KCTD2: variants seen among roughly 807,000 people sequenced by gnomAD.
KCTD2 encodes the protein BTB/POZ domain-containing protein KCTD2.
Under a neutral mutation model 27.9 loss-of-function variants are expected in KCTD2, and 18 were observed. The observed-to-expected ratio is 0.64, with a 90% CI of 0.45 to 0.96. KCTD2 has a LOEUF of 0.96. KCTD2 is among the 40% of genes least tolerant of loss of function. The pLI is 0.00. For synonymous variants in KCTD2, 175 were observed against 148.4 expected (o/e 1.18, Z -1.30); for missense variants, 280 against 348.0 (o/e 0.80, Z 1.56).
At chr17:75,062,369 C>T (rs1567995188) in intron 5 of KCTD2, 124 bp downstream of exon 5, 1 of 905,444 alleles carries the variant, frequency 1.1e-6, no homozygotes, top group African/African-American at 1.7e-5. Flanking sequence ...TTGCATTTTC[C>T]CCTCGTTTTG....
chr17:75,062,297 C>T (rs567351443), intron 5 of KCTD2, 52 bp downstream of exon 5: 5 of 1,555,950 alleles, frequency 3.2e-6, no homozygotes, highest in South Asian at 2.4e-5. Flanking sequence ...GTTCGCACCC[C>T]CTCCGTGGGC....
At chr17:75,036,449 C>T (rs1215718141) in intron 3 of KCTD2, among the ~76,000 whole-genome samples, 1 of 152,212 alleles carries the variant, frequency 6.6e-6, no homozygotes, top group Non-Finnish European at 1.5e-5. Flanking sequence ...AAAATTAATG[C>T]ATGTACAACG....
intron 3 of KCTD2, among the ~76,000 whole-genome samples, chr17:75,055,638 A>G (rs532747468): frequency 6.6e-6 from 1 of 152,048 alleles, no homozygotes; most frequent in Admixed American, 6.5e-5. Flanking sequence ...GTTCAAGACG[A>G]GCCTGACTAA....
At chr17:75,061,370 C>T (rs2073402381) in intron 4 of KCTD2, among the ~76,000 whole-genome samples, 1 of 152,204 alleles carries the variant, frequency 6.6e-6, no homozygotes, top group African/African-American at 2.4e-5. Context: ...GCATGCTGGG[C>T]ACGGTGGTTC....
upstream of KCTD2, among the ~76,000 whole-genome samples, chr17:75,043,019 C>G (rs568239931): frequency 7.9e-5 from 12 of 152,044 alleles, no homozygotes; most frequent in African/African-American, 2.4e-4. Flanking sequence ...GTCAGGAGTT[C>G]GAGACCAGCA....
chr17:75,035,060 G>T (rs2040100760), intron 2 of KCTD2, among the ~76,000 whole-genome samples: 1 of 152,114 alleles, frequency 6.6e-6, no homozygotes, highest in African/African-American at 2.4e-5. Flanking sequence ...GCGGCACGCC[G>T]GAGCGTTTAA....
At chr17:75,047,136 C>T, upstream of KCTD2, 1 of 286,308 alleles carries the variant, frequency 3.5e-6, no homozygotes, top group Non-Finnish European at 6.2e-6. Context: ...TGGGGGCGCT[C>T]CCGTCCCTCT....
chr17:75,049,186 G>T, intron 1 of KCTD2, 34 bp from the exon 2 acceptor site: 1 of 1,305,316 alleles, frequency 7.7e-7, no homozygotes, highest in Middle Eastern at 1.8e-4. Context: ...ACTCCTCAAA[G>T]GTCCACAATG....
At chr17:75,058,016 G>A (rs887008774) in intron 3 of KCTD2, among the ~76,000 whole-genome samples, 7 of 151,570 alleles carry the variant, frequency 4.6e-5, no homozygotes, top group African/African-American at 1.7e-4. Flanking sequence ...GCGAAATCCC[G>A]TCTCCACTAA....
At chr17:75,058,825 C>T (rs945410512) in intron 3 of KCTD2, among the ~76,000 whole-genome samples, 2 of 149,982 alleles carry the variant, frequency 1.3e-5, no homozygotes, top group Non-Finnish European at 3.0e-5. Flanking sequence ...AGGCCGGGCG[C>T]GGTGGCTCAT....
At position 75,047,229 on chromosome 17, in the gene KCTD2, G is replaced by C. The variant is rs12950279; in HGVS notation, c.-22G>C. On this transcript the variant is annotated 5_prime_UTR_variant, in exon 1 of 6. Transcript: ENST00000322444. ...CCGGCCCGGCTGCGCGCGGGCAGCA[G>C]CGGTGGCGGCGGCGGTCCAAGATGG... The C allele has an allele frequency of 6.0e-6, 5 of 826,760 alleles. No individual in the cohort carries two copies. The highest frequency in any genetic ancestry group is 3.6e-5 in the African/African-American group (2 of 55,428). 51.2% of individuals were successfully genotyped at this position (826,760 alleles called of 1,614,324 possible). A position where few individuals can be genotyped will look rare whatever the true frequency, so the allele number is the denominator to read the frequency against.
chr17:75,051,024 A>G (rs1419697403), intron 2 of KCTD2, among the ~76,000 whole-genome samples: 2 of 144,512 alleles, frequency 1.4e-5, no homozygotes, highest in Non-Finnish European at 1.5e-5. Context: ...CCCAGGCTGG[A>G]GTGCAGTGGC....
chr17:75,042,659 C>T (rs1448365371), upstream of KCTD2: 1 of 1,589,634 alleles, frequency 6.3e-7, no homozygotes, highest in Non-Finnish European at 8.5e-7. Flanking sequence ...ATTTTGGGAT[C>T]CTGAAAAATA....
chr17:75,038,144 A>C (rs1280192143), intron 3 of KCTD2, among the ~76,000 whole-genome samples: 1 of 152,012 alleles, frequency 6.6e-6, no homozygotes, highest in Admixed American at 6.6e-5. Flanking sequence ...TTTTAGAGGC[A>C]AAGTCTCGCT....
At chr17:75,059,655 C>T (rs758358261) in intron 4 of KCTD2, 50 bp downstream of exon 4, 1 of 1,409,630 alleles carries the variant, frequency 7.1e-7, no homozygotes, top group Non-Finnish European at 1.0e-6. Flanking sequence ...AAGGGGTCTG[C>T]AGCTCTTCAA....
At chr17:75,043,002 A>G (rs2073176245), upstream of KCTD2, among the ~76,000 whole-genome samples, 1 of 152,156 alleles carries the variant, frequency 6.6e-6, no homozygotes, top group Non-Finnish European at 1.5e-5. Flanking sequence ...CGGTTGGATC[A>G]CCTGAGGTCA....
Position 75,047,504 on chromosome 17 carries a change from C to A in KCTD2, c.254C>A (p.Thr85Asn). ...RLNVGGTYFV[T>N]TRQTLGREPK... ...AACGTGGGAGGCACCTACTTCGTGACCACCAGACAGACCTTAGGCCGGGAG... is the reference window on the plus strand; with the variant it reads ...AACGTGGGAGGCACCTACTTCGTGAACACCAGACAGACCTTAGGCCGGGAG... Residue 85 changes from threonine to asparagine, a missense_variant, in exon 1 of 6, where the codon ACC (threonine) becomes AAC (asparagine). Physicochemically the swap from Thr to Asn is moderately conservative, Grantham distance 65. Transcript: ENST00000322444. 6.2e-7 allele frequency: 1 copy of A among 1,610,184 alleles called. No homozygotes were observed. The highest frequency in any genetic ancestry group is 8.5e-7 in the Non-Finnish European group (1 of 1,179,032).
Position 75,049,273 on chromosome 17 carries a change from C to T in KCTD2, c.393C>T (p.Ile131=). The T allele has an allele frequency of 6.2e-7, 1 of 1,613,934 alleles. No individual in the cohort carries two copies. Among genetic ancestry groups the T allele is most frequent in the Non-Finnish European group, 8.5e-7 (1 of 1,179,834 alleles). The change falls in exon 2 of 6, where the codon ATC becomes ATT. Residue 131 remains isoleucine, a synonymous_variant. Coordinates refer to ENST00000322444, the MANE Select transcript of KCTD2 (RefSeq NM_015353.3). The part of the protein sequence containing the change: ...IDRDPTYFGP[I]LNYLRHGKLI... ...GGGACCCCACCTACTTTGGTCCTAT[C>T]CTCAACTACCTCCGCCACGGGAAAC...
At chr17:75,061,503 C>T (rs2144942639) in intron 4 of KCTD2, among the ~76,000 whole-genome samples, 1 of 152,172 alleles carries the variant, frequency 6.6e-6, no homozygotes, top group East Asian at 1.9e-4. Flanking sequence ...AAAGAATTAG[C>T]CAGGCATGGT....
Sources: allele counts gnomAD v4.1 joint callset (sites outside exome capture counted in the v4.1 genomes callset), GRCh38; gene constraint gnomAD v4.1.1; transcripts MANE v1.5; gene names NCBI Gene and HGNC (gene_info 2026-07-23, HGNC 2026-07-21).